Variants in NUDCD1 observed in about 807,000 individuals in gnomAD.
The protein encoded by NUDCD1 is NudC domain containing 1, also known as nudC domain-containing protein 1.
Under a neutral mutation model 67.8 loss-of-function variants are expected in NUDCD1, and 60 were observed. The observed-to-expected ratio is 0.88, with a 90% CI of 0.72 to 1.10. NUDCD1 has a LOEUF of 1.10. Ranked by LOEUF, NUDCD1 falls within the 50% of genes least tolerant of loss-of-function variation. The pLI is 0.00. For missense variants in NUDCD1, 643 were observed against 695.0 expected (o/e 0.93, Z 0.84); for synonymous variants, 244 against 230.8 (o/e 1.06, Z -0.52).
chr8:109,283,994 A>AC, intron 5 of NUDCD1, among the ~76,000 whole-genome samples: 2 of 149,254 alleles, frequency 1.3e-5, no homozygotes, highest in Admixed American at 6.7e-5. Context: ...TGGATTAAAA[A>AC]AAAAAAAAAA....
At chr8:109,318,357 C>T (rs80354464) in intron 2 of NUDCD1, among the ~76,000 whole-genome samples, 3,154 of 152,276 alleles carry the variant, frequency 0.021, 110 homozygotes, top group African/African-American at 0.072. Context: ...ACAGCAAATG[C>T]TATCAACAAA....
rs1297801322 is a variant in NUDCD1 at position 109,317,514 on chromosome 8, GA to G, written c.273+4794del. On this transcript the variant is annotated intron_variant, in intron 2 of 9. Transcript: ENST00000239690. ...ATAATAATAGTATCTGGTATATCAG[GA>G]TAATATCAGGATATTATCCTATGAG... Among the ~76,000 whole-genome samples, 3 of 152,114 alleles carry G rather than the reference GA, an allele frequency of 2.0e-5. No homozygotes were observed. In the East Asian group the frequency reaches 5.8e-4, roughly 29 times the overall value.
intron 1 of NUDCD1, among the ~76,000 whole-genome samples, chr8:109,332,936 T>G (rs1384260788): frequency 6.6e-6 from 1 of 152,222 alleles, no homozygotes; most frequent in Non-Finnish European, 1.5e-5. Context: ...ACTACCATTG[T>G]ATTTTGTACA....
At chr8:109,254,737 G>T (rs1292985537) in intron 8 of NUDCD1, among the ~76,000 whole-genome samples, 1 of 151,996 alleles carries the variant, frequency 6.6e-6, no homozygotes, top group Non-Finnish European at 1.5e-5. Context: ...GACTACTGAA[G>T]ATTAAATGTC....
chr8:109,249,297 GTA>G (rs1813570387), intron 8 of NUDCD1, among the ~76,000 whole-genome samples: 1 of 152,126 alleles, frequency 6.6e-6, no homozygotes, highest in Non-Finnish European at 1.5e-5. Context: ...ATTTTGTTTT[GTA>G]TATTAATGGC....
At chr8:109,305,181 G>A (rs1036057604) in intron 2 of NUDCD1, among the ~76,000 whole-genome samples, 1 of 152,062 alleles carries the variant, frequency 6.6e-6, no homozygotes, top group African/African-American at 2.4e-5. Flanking sequence ...CCCCGGACTG[G>A]CAAATTGACT....
Position 109,293,459 on chromosome 8 carries a change from A to G in NUDCD1, c.525T>C (p.Ala175=), listed in dbSNP as rs1814758122. The G allele has an allele frequency of 3.1e-6, 5 of 1,591,024 alleles. 1 individual carries two copies. Among genetic ancestry groups the G allele is most frequent in the Non-Finnish European group, 4.3e-6 (5 of 1,167,524 alleles). ...GTAGGGTAGCTATAGAATGTTCTTCAGCATTTAGCAGTGAGATACTGTGAA... is the reference window on the plus strand; with the variant it reads ...GTAGGGTAGCTATAGAATGTTCTTCGGCATTTAGCAGTGAGATACTGTGAA... ...IIIHSISLLN[A]EEHSIATLLL... is the part of the protein sequence containing the mutation. Residue 175 remains alanine, a synonymous_variant, in exon 4 of 10, where the codon GCT becomes GCC. Coordinates refer to ENST00000239690, the MANE Select transcript of NUDCD1 (RefSeq NM_032869.4).
intron 1 of NUDCD1, among the ~76,000 whole-genome samples, chr8:109,329,441 A>T (rs1815753872): frequency 6.6e-6 from 1 of 152,204 alleles, no homozygotes; most frequent in Non-Finnish European, 1.5e-5. Context: ...CTCAAAACCA[A>T]TGTAAAAGAG....
chr8:109,262,734 G>A (rs1813893887), intron 8 of NUDCD1, among the ~76,000 whole-genome samples: 1 of 151,992 alleles, frequency 6.6e-6, no homozygotes. Flanking sequence ...GGATCTGCTT[G>A]GGAACCTGGG....
At chr8:109,260,026 G>A (rs997757304) in intron 8 of NUDCD1, among the ~76,000 whole-genome samples, 6 of 152,100 alleles carry the variant, frequency 3.9e-5, no homozygotes, top group African/African-American at 1.2e-4. Context: ...AGATTTTTAT[G>A]AGGGCAATAA....
intron 2 of NUDCD1, among the ~76,000 whole-genome samples, chr8:109,299,678 T>G (rs1814931375): frequency 6.6e-6 from 1 of 152,088 alleles, no homozygotes; most frequent in Non-Finnish European, 1.5e-5. Flanking sequence ...CCTTGGGAAC[T>G]CTAGACAAAA....
intron 2 of NUDCD1, among the ~76,000 whole-genome samples, chr8:109,307,777 A>G (rs1267054816): frequency 6.6e-6 from 1 of 152,222 alleles, no homozygotes; most frequent in African/African-American, 2.4e-5. Context: ...AAGGGTAGAA[A>G]GAGACATTTC....
At chr8:109,261,676 AAC>A (rs1442400828) in intron 8 of NUDCD1, among the ~76,000 whole-genome samples, 1 of 152,168 alleles carries the variant, frequency 6.6e-6, no homozygotes, top group Non-Finnish European at 1.5e-5. Context: ...GAAAACATAA[AAC>A]ACAAAAACAT....
At chr8:109,303,773 C>A (rs1815043241) in intron 2 of NUDCD1, among the ~76,000 whole-genome samples, 1 of 152,142 alleles carries the variant, frequency 6.6e-6, no homozygotes, top group African/African-American at 2.4e-5. Flanking sequence ...AACCTAATCA[C>A]CCTTACCTCG....
rs1259211274 is a variant in NUDCD1, at chr8:109,260,253, G to A, written c.1299+10752C>T. On this transcript the variant is annotated intron_variant, in intron 8 of 9. Coordinates refer to ENST00000239690, the MANE Select transcript of NUDCD1 (RefSeq NM_032869.4). ...TGTAGGTTGCCTAGGCTGGAGTGTA[G>A]GCACCATTATAGCTCACTGGAACTT... is the stretch of plus-strand genomic sequence containing the variant. Among the ~76,000 whole-genome samples the A allele has an allele frequency of 2.6e-5, 4 of 152,184 alleles. No individual in the cohort carries two copies. The South Asian group carries it at 6.2e-4, about 24-fold the overall frequency.
intron 8 of NUDCD1, among the ~76,000 whole-genome samples, chr8:109,259,405 A>G (rs1015425733): frequency 2.6e-5 from 4 of 152,224 alleles, no homozygotes; most frequent in African/African-American, 9.6e-5. Flanking sequence ...AAACTGTGAT[A>G]GGCTAACTTG....
intron 7 of NUDCD1, among the ~76,000 whole-genome samples, chr8:109,273,464 C>G (rs1814206541): frequency 6.6e-6 from 1 of 151,770 alleles, no homozygotes. Context: ...TTCATTGGAA[C>G]AGAAAGGTCA....
intron 2 of NUDCD1, among the ~76,000 whole-genome samples, chr8:109,298,039 C>T (rs1017271273): frequency 6.6e-6 from 1 of 152,094 alleles, no homozygotes; most frequent in Non-Finnish European, 1.5e-5. Context: ...TTCTAAAGCA[C>T]CTAATTTAGC....
intron 2 of NUDCD1, among the ~76,000 whole-genome samples, chr8:109,310,718 C>A (rs1290803030): frequency 6.6e-6 from 1 of 150,496 alleles, no homozygotes; most frequent in African/African-American, 2.4e-5. Context: ...ACAATCTATA[C>A]ATCTGACAAA....
Sources: gnomAD v4.1 joint callset for allele counts (sites outside exome capture counted in the v4.1 genomes callset) on GRCh38, gnomAD v4.1.1 for gene constraint, MANE v1.5 for transcripts, NCBI Gene and HGNC (gene_info 2026-07-23, HGNC 2026-07-21) for gene names.